Variants in CDYL observed in about 807,000 individuals in gnomAD.
CDYL encodes chromodomain Y-like protein.
A neutral mutation model predicts 47.3 loss-of-function variants in CDYL; 8 were observed. The observed-to-expected ratio is 0.17, with a 90% CI of 0.10 to 0.31. The LOEUF is 0.31. Ranked by LOEUF, CDYL falls within the 10% of genes least tolerant of loss-of-function variation. The pLI is 1.00. For missense variants in CDYL, 471 were observed against 701.4 expected, an observed-to-expected ratio of 0.67 and a Z score of 3.71; for synonymous variants, 266 against 265.0, an observed-to-expected ratio of 1.00 and a Z score of -0.04.
rs1403266224 is a variant in CDYL at position 4,952,329 on chromosome 6, G to A, written c.1396G>A (p.Val466Ile). 1.9e-6 allele frequency: 3 copies of A among 1,614,156 alleles called. No homozygotes were observed. The South Asian group carries it at 3.3e-5, about 18-fold the overall frequency. ...GCAGGAGGCGTGTGGCAAGGGCCTG[G>A]TCTCCCAGGTGTTTTGGCCCGGGAC... ...TAQEACGKGL[V>I]SQVFWPGTFT... The change falls in exon 6 of 7, where the codon GTC becomes ATC. Residue 466 changes from valine (V) to isoleucine (I), a missense_variant. Val to Ile is a conservative substitution (Grantham distance 29). Around this residue, in one of 3 missense-constraint regions of CDYL, gnomAD observed 103 missense variants for 277.1 expected, o/e 0.37. Transcript: ENST00000397588.
chr6:4,779,718 C>T (rs150071165), intron 1 of CDYL, among the ~76,000 whole-genome samples: 70 of 152,230 alleles, frequency 4.6e-4, no homozygotes, highest in African/African-American at 1.7e-3. Flanking sequence ...TCATAGTTTT[C>T]ACAAAAAGAC....
chr6:4,777,773 C>G (rs1258212984), intron 1 of CDYL, among the ~76,000 whole-genome samples: 3 of 152,184 alleles, frequency 2.0e-5, no homozygotes, highest in Non-Finnish European at 4.4e-5. Context: ...TTTCAGTTGT[C>G]TTCTCTTATG....
intron 3 of CDYL, among the ~76,000 whole-genome samples, chr6:4,747,794 C>G (rs1245436427): frequency 6.6e-6 from 1 of 152,206 alleles, no homozygotes; most frequent in Non-Finnish European, 1.5e-5. Flanking sequence ...AATGCCAATA[C>G]CCCAGGGAAG....
chr6:4,859,028 C>T (rs1159011377), intron 1 of CDYL, among the ~76,000 whole-genome samples: 1 of 152,160 alleles, frequency 6.6e-6, no homozygotes, highest in Non-Finnish European at 1.5e-5. Context: ...AGTATACGTG[C>T]TTTTAGAGTA....
At chr6:4,715,855 A>G in exon 2 of CDYL, 1 of 1,614,168 alleles carries the variant, frequency 6.2e-7, no homozygotes, top group South Asian at 1.1e-5. Flanking sequence ...GGCCCAACCC[A>G]AAAGTTATTC....
At chr6:4,723,818 G>A (rs747323527) in intron 2 of CDYL, among the ~76,000 whole-genome samples, 2 of 152,306 alleles carry the variant, frequency 1.3e-5, no homozygotes, top group Non-Finnish European at 2.9e-5. Context: ...GTTATTTTAG[G>A]CACATACTGA....
upstream of CDYL, among the ~76,000 whole-genome samples, chr6:4,774,152 GGC>G (rs537873284): frequency 2.2e-4 from 33 of 152,286 alleles, no homozygotes; most frequent in African/African-American, 7.7e-4. Flanking sequence ...TAATGGTCAT[GGC>G]GAGAAGTGCT....
chr6:4,896,734 G>T (rs190708459), intron 2 of CDYL, among the ~76,000 whole-genome samples: 1 of 152,256 alleles, frequency 6.6e-6, no homozygotes, highest in Non-Finnish European at 1.5e-5. Flanking sequence ...ACTAATTTTA[G>T]AGCTACGTAA....
chr6:4,914,702 G>A (rs549093511), intron 2 of CDYL, among the ~76,000 whole-genome samples: 3 of 152,328 alleles, frequency 2.0e-5, no homozygotes, highest in African/African-American at 7.2e-5. Context: ...ATTTGACTTT[G>A]GTTTGCATAG....
chr6:4,862,038 TC>T (rs1282227842), intron 1 of CDYL, among the ~76,000 whole-genome samples: 3 of 151,992 alleles, frequency 2.0e-5, no homozygotes, highest in African/African-American at 7.3e-5. Flanking sequence ...CGACCCCTAC[TC>T]CCCAGAAACC....
At chr6:4,723,492 A>G (rs1757412959) in intron 2 of CDYL, among the ~76,000 whole-genome samples, 1 of 152,106 alleles carries the variant, frequency 6.6e-6, no homozygotes, top group African/African-American at 2.4e-5. Flanking sequence ...AAAACAATGA[A>G]CAGAGAAGCA....
intron 2 of CDYL, among the ~76,000 whole-genome samples, chr6:4,920,995 CTGTG>C (rs112009340): frequency 1.3e-5 from 2 of 150,676 alleles, no homozygotes; most frequent in South Asian, 4.2e-4. Context: ...CATGATACAT[CTGTG>C]TGTGTGTGTG....
At chr6:4,770,327 T>C (rs143698650) in intron 3 of CDYL, among the ~76,000 whole-genome samples, 56 of 152,326 alleles carry the variant, frequency 3.7e-4, no homozygotes, top group African/African-American at 1.3e-3. Context: ...CTGGACCTGA[T>C]GAAGTTTAGC....
At chr6:4,785,281 A>T (rs925577717) in intron 1 of CDYL, among the ~76,000 whole-genome samples, 3 of 152,096 alleles carry the variant, frequency 2.0e-5, no homozygotes, top group African/African-American at 7.2e-5. Context: ...AGAACATATC[A>T]CTGTAGTTAA....
At chr6:4,819,818 G>C (rs1171402154) in intron 1 of CDYL, among the ~76,000 whole-genome samples, 1 of 151,906 alleles carries the variant, frequency 6.6e-6, no homozygotes, top group African/African-American at 2.4e-5. Context: ...CTTATGGGTA[G>C]AGGCCAGGGA....
intron 1 of CDYL, among the ~76,000 whole-genome samples, chr6:4,713,201 C>T (rs1040221390): frequency 6.6e-6 from 1 of 152,178 alleles, no homozygotes; most frequent in East Asian, 1.9e-4. Context: ...TCCAATCACA[C>T]AGCCAGTTGG....
intron 2 of CDYL, among the ~76,000 whole-genome samples, chr6:4,930,100 G>A (rs1461700369): frequency 6.6e-6 from 1 of 152,174 alleles, no homozygotes; most frequent in Middle Eastern, 3.2e-3. Flanking sequence ...GCCTGATCTG[G>A]GGTCTCTCTA....
intron 1 of CDYL, among the ~76,000 whole-genome samples, chr6:4,881,772 T>C (rs1224416910): frequency 6.6e-6 from 1 of 152,232 alleles, no homozygotes; most frequent in Non-Finnish European, 1.5e-5. Context: ...CCTGTATATC[T>C]GAGGTTCCAT....
intron 2 of CDYL, among the ~76,000 whole-genome samples, chr6:4,893,447 C>T (rs917801550): frequency 2.0e-5 from 3 of 152,218 alleles, no homozygotes; most frequent in African/African-American, 7.2e-5. Flanking sequence ...AGTCTCAACA[C>T]TTTGGGAGGC....
Sources: allele counts gnomAD v4.1 joint callset (sites outside exome capture counted in the v4.1 genomes callset), GRCh38; gene constraint gnomAD v4.1.1; regional missense constraint gnomAD v4.1.1; transcripts MANE v1.5; gene names NCBI Gene and HGNC (gene_info 2026-07-23, HGNC 2026-07-21).